Variants in RIMS3 observed in about 807,000 individuals in gnomAD.
RIMS3 encodes regulating synaptic membrane exocytosis protein 3.
Under a neutral mutation model 29.2 loss-of-function variants are expected in RIMS3, and 15 were observed. The ratio of observed to expected loss-of-function variants is 0.51; its 90% CI spans 0.34 to 0.79. RIMS3 has a LOEUF of 0.79. Ranked by LOEUF, RIMS3 falls within the 30% of genes least tolerant of loss-of-function variation. The pLI is 0.01. For missense variants in RIMS3, 342 were observed against 421.4 expected (o/e 0.81, Z 1.65); for synonymous variants, 161 against 170.1 (o/e 0.95, Z 0.41).
chr1:40,634,480 T>C (rs1377383329), intron 4 of RIMS3, among the ~76,000 whole-genome samples: 1 of 152,150 alleles, frequency 6.6e-6, no homozygotes, highest in Non-Finnish European at 1.5e-5. Flanking sequence ...AGTGTGGAGA[T>C]TGTGAACAAA....
chr1:40,688,014 G>A, the RIMS3 span, among the ~76,000 whole-genome samples: 1 of 152,266 alleles, frequency 6.6e-6, no homozygotes, highest in Admixed American at 6.5e-5. Flanking sequence ...ACCTAGGCTA[G>A]AGTGCAATGG....
chr1:40,628,909 G>T lies in RIMS3; in HGVS notation c.615C>A (p.Cys205Ter). ...TCATCTTTGTCTTCTTCTTGGCCAA[G>T]CAGGCCCCATTCTCCAGCAGGTAAA... ...IKVYLLENGA[C>*]LAKKKTKMTK... The change falls in exon 7 of 8, where the codon TGC (cysteine) becomes TGA (stop). Residue 205 changes from cysteine to a stop codon, truncating the protein, a stop_gained. Coordinates refer to ENST00000372684, the MANE Select transcript of RIMS3 (RefSeq NM_014747.3). LOFTEE classifies it high-confidence loss of function. 6.2e-7 allele frequency: 1 copy of T among 1,613,750 alleles called. No homozygotes were observed. The highest frequency in any genetic ancestry group is 8.5e-7 in the Non-Finnish European group (1 of 1,180,016).
rs753597892 is a variant in RIMS3, at chr1:40,635,902, G to A, written c.359+14C>T. 1.6e-5 allele frequency: 26 copies of A among 1,611,818 alleles called. No individual in the cohort carries two copies. The highest frequency in any genetic ancestry group is 1.5e-4 in the South Asian group (14 of 91,012). On this transcript the variant is annotated intron_variant, in intron 4 of 7. Transcript: ENST00000372684. The surrounding 1 kb of genome is among the most constrained non-coding windows in gnomAD (Gnocchi z 4.1). ...AGGAGGAGGGAGGGGACCACAGCAC[G>A]GGGCTGCACGCACGTGCCGTCGGAG...
At chr1:40,679,261 G>A in the RIMS3 span, among the ~76,000 whole-genome samples, 2 of 152,148 alleles carry the variant, frequency 1.3e-5, no homozygotes, top group East Asian at 3.9e-4. Context: ...AGCAGAAGCA[G>A]AGAGAACAAT....
chr1:40,631,970 C>T (rs1292159144), intron 5 of RIMS3, among the ~76,000 whole-genome samples: 1 of 152,110 alleles, frequency 6.6e-6, no homozygotes, highest in Non-Finnish European at 1.5e-5. Context: ...AGTGAGACTC[C>T]ATCTCGAAGA....
chr1:40,645,646 C>T (rs1407220374), intron 2 of RIMS3, among the ~76,000 whole-genome samples: 1 of 152,114 alleles, frequency 6.6e-6, no homozygotes, highest in Non-Finnish European at 1.5e-5. Context: ...AAATCCCAAC[C>T]GGACCATAGC....
chr1:40,639,802 A>G (rs191750491), intron 3 of RIMS3, among the ~76,000 whole-genome samples: 38 of 152,084 alleles, frequency 2.5e-4, no homozygotes, highest in African/African-American at 8.9e-4. Flanking sequence ...GACTCTCCTC[A>G]CTCACATTCA....
At chr1:40,679,572 T>C in the RIMS3 span, among the ~76,000 whole-genome samples, 1 of 152,254 alleles carries the variant, frequency 6.6e-6, no homozygotes, top group Non-Finnish European at 1.5e-5. Flanking sequence ...TTTCCCTTTC[T>C]ATTTAACAAT....
rs761534171 is a variant in RIMS3 at position 40,628,910 on chromosome 1, C to A, written c.614G>T (p.Cys205Phe). ...CATCTTTGTCTTCTTCTTGGCCAAG[C>A]AGGCCCCATTCTCCAGCAGGTAAAC... The part of the protein sequence containing the change: ...IKVYLLENGA[C>F]LAKKKTKMTK... The change falls in exon 7 of 8, where the codon TGC becomes TTC. Residue 205 changes from cysteine to phenylalanine, a missense_variant. Coordinates refer to ENST00000372684, the MANE Select transcript of RIMS3 (RefSeq NM_014747.3). 1.2e-6 allele frequency: 2 copies of A among 1,613,736 alleles called. No homozygotes were observed. The highest frequency in any genetic ancestry group is 3.3e-5 in the Admixed American group (2 of 60,026).
intron 1 of RIMS3, among the ~76,000 whole-genome samples, chr1:40,656,601 T>C (rs980055019): frequency 6.6e-6 from 1 of 151,990 alleles, no homozygotes; most frequent in Non-Finnish European, 1.5e-5. Context: ...CTGACCAACA[T>C]GGAGAAACTC....
At chr1:40,646,384 C>T (rs1318508930) in intron 2 of RIMS3, among the ~76,000 whole-genome samples, 1 of 152,124 alleles carries the variant, frequency 6.6e-6, no homozygotes, top group East Asian at 1.9e-4. Flanking sequence ...TAGGAGCAGG[C>T]AGGACACAGA....
chr1:40,627,591 G>A (rs140596071), intron 7 of RIMS3, among the ~76,000 whole-genome samples: 91 of 151,442 alleles, frequency 6.0e-4, no homozygotes, highest in Non-Finnish European at 8.6e-4. Context: ...CTAGGGTTCC[G>A]CAGTTCTTTT....
At chr1:40,630,295 G>A (rs1366695291) in intron 5 of RIMS3, among the ~76,000 whole-genome samples, 2 of 152,168 alleles carry the variant, frequency 1.3e-5, no homozygotes, top group African/African-American at 4.8e-5. Context: ...GGCAAGGTCT[G>A]TGTGTGGAGT....
At chr1:40,627,452 T>C (rs1048057515) in intron 7 of RIMS3, among the ~76,000 whole-genome samples, 2 of 152,042 alleles carry the variant, frequency 1.3e-5, no homozygotes, top group Admixed American at 1.3e-4. Context: ...ATGGTCTTGA[T>C]CTCCTGACCT....
intron 1 of RIMS3, among the ~76,000 whole-genome samples, chr1:40,663,506 A>G (rs1165439248): frequency 1.3e-5 from 2 of 152,078 alleles, no homozygotes; most frequent in Non-Finnish European, 2.9e-5. Flanking sequence ...AGCTGATGCA[A>G]TGCCCAGGCC....
At chr1:40,633,236 A>C in intron 4 of RIMS3, 55 bp from the exon 5 acceptor site, 2 of 1,408,600 alleles carry the variant, frequency 1.4e-6, no homozygotes, top group African/African-American at 1.4e-5. Context: ...TGAGGATGAA[A>C]GTATAGCTGG....
chr1:40,672,160 C>G, the RIMS3 span, among the ~76,000 whole-genome samples: 2 of 147,944 alleles, frequency 1.4e-5, no homozygotes, highest in Non-Finnish European at 3.0e-5. Flanking sequence ...ATCACCCCAT[C>G]TTTGAGATGG....
At chr1:40,638,688 G>T (rs1199816078) in intron 3 of RIMS3, among the ~76,000 whole-genome samples, 1 of 152,112 alleles carries the variant, frequency 6.6e-6, no homozygotes, top group African/African-American at 2.4e-5. Flanking sequence ...GCCCAGGATG[G>T]TCCTGTGTAG....
chr1:40,651,422 C>T (rs1001180183), intron 1 of RIMS3, among the ~76,000 whole-genome samples: 1 of 152,214 alleles, frequency 6.6e-6, no homozygotes, highest in Non-Finnish European at 1.5e-5. Flanking sequence ...CCTCACAGCA[C>T]ACAGAAGGAA....
Sources: gnomAD v4.1 joint callset for allele counts (sites outside exome capture counted in the v4.1 genomes callset) on GRCh38, gnomAD v4.1.1 for gene constraint, Gnocchi (gnomAD v3.1) non-coding constraint, MANE v1.5 for transcripts, NCBI Gene and HGNC (gene_info 2026-07-23, HGNC 2026-07-21) for gene names.